PHLDB1: variants seen among roughly 807,000 people sequenced by gnomAD.
PHLDB1 encodes pleckstrin homology-like domain family B member 1.
Under a neutral mutation model 139.3 loss-of-function variants are expected in PHLDB1, and 65 were observed. That is an observed-to-expected ratio of 0.47 (90% CI 0.38 to 0.57). PHLDB1 has a LOEUF of 0.57. Among genes scored for constraint, PHLDB1 ranks in the 20% least tolerant of loss-of-function variants. The probability of loss-of-function intolerance (pLI) is 0.00; values close to 1 mark genes in which losing one functional copy is unlikely to be tolerated. For missense variants in PHLDB1, 1,624 were observed against 1,839.7 expected, an observed-to-expected ratio of 0.88 and a Z score of 2.14; for synonymous variants, 679 against 734.5, an observed-to-expected ratio of 0.92 and a Z score of 1.22.
At chr11:118,638,782 G>T in intron 10 of PHLDB1, 109 bp from the exon 11 acceptor site, 1 of 776,232 alleles carries the variant, frequency 1.3e-6, no homozygotes, top group Non-Finnish European at 2.1e-6. Context: ...AGAGCTGGTT[G>T]ATCCCCTTCA....
rs782328887 is a variant in PHLDB1 at position 118,648,056 on chromosome 11, C to T, written c.3634C>T (p.Arg1212Trp). Residue 1212 changes from arginine to tryptophan, a missense_variant, in exon 18 of 23, where the codon CGG (arginine) becomes TGG (tryptophan). Arg to Trp is a moderately radical substitution (Grantham distance 101, BLOSUM62 -3). Transcript: ENST00000600882. ...QQLVEKEVKMREKQFSQARPL... is the reference protein window; with the variant it reads ...QQLVEKEVKMWEKQFSQARPL... ...GCTGGTCGAGAAGGAGGTCAAGATG[C>T]GGGAGAAACAATTTTCCCAGGTGAA... 31 of 1,613,070 alleles carry T rather than the reference C, an allele frequency of 1.9e-5. No individual in the cohort carries two copies. The highest frequency in any genetic ancestry group is 2.2e-5 in the South Asian group (2 of 90,898).
chr11:118,626,063 C>T (rs1943798695), intron 5 of PHLDB1, among the ~76,000 whole-genome samples: 1 of 152,108 alleles, frequency 6.6e-6, no homozygotes, highest in South Asian at 2.1e-4. Flanking sequence ...TGGGGCATGG[C>T]AAAAGCAGGC....
chr11:118,652,381 G>T (rs116409549), intron 20 of PHLDB1: 2 of 152,216 alleles, frequency 1.3e-5, no homozygotes, highest in Non-Finnish European at 2.9e-5. Context: ...TGTTGAGATT[G>T]AAGTGCCTCT....
At position 118,608,302 on chromosome 11, in the gene PHLDB1, C is replaced by G. The variant is rs1161035434; in HGVS notation, c.-22+603C>G. 1.3e-5 allele frequency among the ~76,000 whole-genome samples: 2 copies of G among 152,094 alleles called. No individual in the cohort carries two copies. The highest frequency in any genetic ancestry group is 4.8e-5 in the African/African-American group (2 of 41,432). ...CTCCCAGGCACTCCCCAAGGCCCCA[C>G]GTCCTCGGGGGCCGGGGAGGCCGCC... is the stretch of plus-strand genomic sequence containing the variant. On this transcript the variant is annotated intron_variant, in intron 1 of 22. Transcript: ENST00000600882. The surrounding 1 kb of genome is among the most constrained non-coding windows in gnomAD (Gnocchi z 6.7).
chr11:118,635,438 G>T lies in PHLDB1; in HGVS notation c.2425G>T (p.Glu809Ter). The T allele has an allele frequency of 1.2e-6, 2 of 1,611,712 alleles. No homozygotes were observed. Among genetic ancestry groups the T allele is most frequent in the Non-Finnish European group, 1.7e-6 (2 of 1,179,164 alleles). The change falls in exon 10 of 23, where the codon GAG (glutamate) becomes TAG (stop). Residue 809 changes from glutamate to a stop codon, truncating the protein, a stop_gained. Coordinates refer to ENST00000600882, the MANE Select transcript of PHLDB1 (RefSeq NM_001144758.3). LOFTEE classifies it high-confidence loss of function. ...ETETKLFEDL[E>*]FQQLERESRV... ...TGAGACAAAGCTCTTTGAGGACTTG[G>T]AGTTCCAGCAGTTGGAGCGGGAGAG... is the stretch of plus-strand genomic sequence containing the variant.
At position 118,650,021 on chromosome 11, in the gene PHLDB1, C is replaced by G; in HGVS notation, c.3655-56C>G. ...TAGAAGTGAAGCCAAGGGGCCTGGA[C>G]AGGGGAATAATGAGGGAAGAGAGGA... On this transcript the variant is annotated intron_variant, in intron 18 of 22. Coordinates refer to ENST00000600882, the MANE Select transcript of PHLDB1 (RefSeq NM_001144758.3). The surrounding 1 kb of genome is among the most constrained non-coding windows in gnomAD (Gnocchi z 4.7). The G allele has an allele frequency of 7.7e-7, 1 of 1,290,344 alleles. No individual in the cohort carries two copies. Among genetic ancestry groups the G allele is most frequent in the Non-Finnish European group, 1.1e-6 (1 of 885,006 alleles). The allele number at this position is 1,290,344 out of a possible 1,614,324, so 79.9% of individuals were successfully genotyped here.
At chr11:118,644,309 G>A in intron 15 of PHLDB1, 135 bp downstream of exon 15, 1 of 661,666 alleles carries the variant, frequency 1.5e-6, no homozygotes, top group South Asian at 1.8e-5. Flanking sequence ...AAAGGATTTA[G>A]AGTGGGTACC....
chr11:118,628,609 C>A lies in PHLDB1; in HGVS notation c.1786C>A (p.Gln596Lys). ...EDDLLEYHRRQRQERLREQEM... is the reference protein window; with the variant it reads ...EDDLLEYHRRKRQERLREQEM... ...CGACCTCCTGGAGTACCACCGGCGA[C>A]AGCGCCAAGAGCGGCTCCGGGAGCA... Residue 596 changes from glutamine (Q) to lysine (K), a missense_variant, in exon 6 of 23, where the codon CAG becomes AAG. Coordinates refer to ENST00000600882, the MANE Select transcript of PHLDB1 (RefSeq NM_001144758.3). 1.2e-6 allele frequency: 2 copies of A among 1,611,758 alleles called. No individual in the cohort carries two copies. The highest frequency in any genetic ancestry group is 4.5e-5 in the East Asian group (2 of 44,812).
intron 20 of PHLDB1, 144 bp from the exon 21 acceptor site, chr11:118,655,461 A>G (rs943849675): frequency 3.2e-6 from 2 of 627,106 alleles, no homozygotes. Context: ...AGGATTCTGT[A>G]TTGGGTTCTG....
intron 22 of PHLDB1, among the ~76,000 whole-genome samples, chr11:118,656,396 A>G (rs1304250779): frequency 6.6e-6 from 1 of 151,974 alleles, no homozygotes; most frequent in Non-Finnish European, 1.5e-5. Flanking sequence ...TCCTCTTGAT[A>G]CTCACTTTTG....
intron 10 of PHLDB1, chr11:118,637,170 C>T (rs1945781691): frequency 6.6e-6 from 1 of 152,106 alleles, no homozygotes; most frequent in African/African-American, 2.4e-5. Context: ...GATCTTAGCT[C>T]CTAAATATGT....
At position 118,645,566 on chromosome 11, in the gene PHLDB1, C is replaced by T. The variant is rs781807711; in HGVS notation, c.3332C>T (p.Thr1111Met). 5 of 1,613,624 alleles carry T rather than the reference C, an allele frequency of 3.1e-6. No individual in the cohort carries two copies. Among genetic ancestry groups the T allele is most frequent in the Admixed American group, 1.7e-5 (1 of 59,950 alleles). ...GAGGAGGGTGAGCACGCCTATGATACGCTGAGTCTGGAGAGCTCTGACAGC... is the reference window on the plus strand; with the variant it reads ...GAGGAGGGTGAGCACGCCTATGATATGCTGAGTCTGGAGAGCTCTGACAGC... ...RGEEGEHAYD[T>M]LSLESSDSME... Residue 1111 changes from threonine to methionine, a missense_variant, in exon 16 of 23, where the codon ACG (threonine) becomes ATG (methionine). Physicochemically the swap from Thr to Met is moderately conservative, Grantham distance 81. Transcript: ENST00000600882. The surrounding 1 kb of genome is among the most constrained non-coding windows in gnomAD (Gnocchi z 5.1).
rs376908881 is a variant in PHLDB1, at chr11:118,650,527, G to A, written c.3854G>A (p.Arg1285His). 9 of 1,613,352 alleles carry A rather than the reference G, an allele frequency of 5.6e-6. No homozygotes were observed. Among genetic ancestry groups the A allele is most frequent in the Admixed American group, 1.7e-5 (1 of 60,022 alleles). Residue 1285 changes from arginine (R) to histidine (H), a missense_variant, in exon 20 of 23, where the codon CGC (arginine) becomes CAC (histidine). Coordinates refer to ENST00000600882, the MANE Select transcript of PHLDB1 (RefSeq NM_001144758.3). This position sits in a 1 kb window ranked among gnomAD's most constrained non-coding sequence, Gnocchi z 4.7. ...TGGTTTGTCTTCGACCGGCTCAAGC[G>A]CACCCTTTCCTATTATGTGGGTGAG... ...KRWFVFDRLK[R>H]TLSYYVDKHE...
chr11:118,639,479 GT>G, intron 12 of PHLDB1: 2 of 487,936 alleles, frequency 4.1e-6, no homozygotes, highest in Non-Finnish European at 3.7e-6. Context: ...AGATTTCACT[GT>G]TTTTGGTGGC....
intron 2 of PHLDB1, among the ~76,000 whole-genome samples, 189 bp downstream of exon 2, chr11:118,614,085 C>A (rs1941074248): frequency 6.6e-6 from 1 of 152,150 alleles, no homozygotes; most frequent in African/African-American, 2.4e-5. Flanking sequence ...CCAGAAACTA[C>A]CCATCGAAAG....
At chr11:118,634,285 C>T (rs1555113409) in intron 9 of PHLDB1, 2 of 152,300 alleles carry the variant, frequency 1.3e-5, no homozygotes, top group Non-Finnish European at 2.9e-5. Context: ...GCCAACACCC[C>T]ACCCCGACCC....
chr11:118,615,409 G>GC (rs1555088248), intron 3 of PHLDB1, among the ~76,000 whole-genome samples: 1 of 152,082 alleles, frequency 6.6e-6, no homozygotes, highest in African/African-American at 2.4e-5. Context: ...CCCTGGCACA[G>GC]CCCCCTTCAC....
intron 18 of PHLDB1, 133 bp from the exon 19 acceptor site, chr11:118,649,944 G>C (rs1295578611): frequency 1.4e-6 from 1 of 720,566 alleles, no homozygotes; most frequent in Non-Finnish European, 2.5e-6. Context: ...GCCCTGTGGA[G>C]CCACAGTGAC....
At chr11:118,609,125 A>AGC (rs1939651444) in intron 1 of PHLDB1, among the ~76,000 whole-genome samples, 1 of 142,760 alleles carries the variant, frequency 7.0e-6, no homozygotes, top group African/African-American at 2.6e-5. Flanking sequence ...CCCGTCACAC[A>AGC]CACAGCCCAG....
Sources: gnomAD v4.1 joint callset for allele counts (sites outside exome capture counted in the v4.1 genomes callset) on GRCh38, gnomAD v4.1.1 for gene constraint, Gnocchi (gnomAD v3.1) non-coding constraint, MANE v1.5 for transcripts, NCBI Gene and HGNC (gene_info 2026-07-23, HGNC 2026-07-21) for gene names.